The following SIRPB1 variants were observed in gnomAD, a reference collection of about 807,000 sequenced individuals.
SIRPB1 encodes signal regulatory protein beta 1.
In SIRPB1, 28 loss-of-function variants were observed where a neutral mutation model predicts 34.1. The ratio of observed to expected loss-of-function variants is 0.82; its 90% CI spans 0.61 to 1.12. The LOEUF (loss-of-function observed/expected upper bound fraction) is 1.12, where lower values mean the gene tolerates loss of function less well. Ranked by LOEUF, SIRPB1 falls within the 50% of genes most tolerant of loss-of-function variation. SIRPB1 has a pLI of 0.00. For synonymous variants in SIRPB1, 211 were observed against 203.8 expected (o/e 1.04, Z -0.30); for missense variants, 499 against 507.0 (o/e 0.98, Z 0.15).
In SIRPB1 at chr20:1,578,639, A is replaced by T. The variant is rs767051859; in HGVS notation, c.132T>A (p.Val44=). 1.9e-6 allele frequency: 3 copies of T among 1,584,230 alleles called. No homozygotes were observed. Among genetic ancestry groups the T allele is most frequent in the Non-Finnish European group, 2.6e-6 (3 of 1,157,694 alleles). Residue 44 remains valine (V), a synonymous_variant, in exon 2 of 6, where the codon GTT becomes GTA. Coordinates refer to ENST00000381605, the MANE Select transcript of SIRPB1 (RefSeq NM_006065.5). ...QVIQPEKSVS[V]AAGESATLRC... ...GCAGAGTGGCCGACTCTCCAGCTGC[A>T]ACTGATACGGACTTTTCAGGCTGAA...
rs573930072 is a variant in SIRPB1, at chr20:1,598,817, C to G, written c.77-20123G>C. 4.2e-6 allele frequency: 2 copies of G among 478,474 alleles called. 1 individual carries two copies. The highest frequency in any genetic ancestry group is 7.2e-5 in the Admixed American group (2 of 27,892). The allele number at this position is 478,474 out of a possible 1,614,324, so 29.6% of individuals were successfully genotyped here. A position where few individuals can be genotyped will look rare whatever the true frequency, so the allele number is the denominator to read the frequency against. ...CTTGGTCAGGCATCCATCCCCCACACTTACAGTCAGGCCTTCTGCTTCCAG... is the reference window on the plus strand; with the variant it reads ...CTTGGTCAGGCATCCATCCCCCACAGTTACAGTCAGGCCTTCTGCTTCCAG... On this transcript the variant is annotated intron_variant, in intron 1 of 5. Coordinates refer to ENST00000381605, the MANE Select transcript of SIRPB1 (RefSeq NM_006065.5).
intron 4 of SIRPB1, among the ~76,000 whole-genome samples, chr20:1,567,478 T>TC (rs2091156778): frequency 6.6e-6 from 1 of 152,180 alleles, no homozygotes; most frequent in Non-Finnish European, 1.5e-5. Flanking sequence ...CTGACAGCAC[T>TC]CTAGGATGCC....
rs533348633 is a variant in SIRPB1 at position 1,595,535 on chromosome 20, A to G, written c.77-16841T>C. ...TCTTCCATTGTGAAAGAGGAAGTGGACACAGTTGCCACTGCTAGGAAGTTG... is the reference window on the plus strand; with the variant it reads ...TCTTCCATTGTGAAAGAGGAAGTGGGCACAGTTGCCACTGCTAGGAAGTTG... On this transcript the variant is annotated intron_variant, in intron 1 of 5. Coordinates refer to ENST00000381605, the MANE Select transcript of SIRPB1 (RefSeq NM_006065.5). 4.1e-5 allele frequency among the ~76,000 whole-genome samples: 2 copies of G among 48,996 alleles called. 1 individual carries two copies. Among genetic ancestry groups the G allele is most frequent in the South Asian group, 1.4e-3 (2 of 1,414 alleles). 32.1% of individuals were successfully genotyped at this position (48,996 alleles called of 152,430 possible).
intron 2 of SIRPB1, 99 bp downstream of exon 2, chr20:1,578,239 A>C: frequency 7.5e-7 from 1 of 1,325,608 alleles, no homozygotes; most frequent in East Asian, 2.3e-5. Context: ...GTGGCTGCTC[A>C]GCCACCACCA....
At position 1,563,057 on chromosome 20, in the gene SIRPB1, G is replaced by C. The variant is rs1286865997; in HGVS notation, c.*2443C>G. 6.6e-6 allele frequency among the ~76,000 whole-genome samples: 1 copy of C among 152,190 alleles called. No individual in the cohort carries two copies. Among genetic ancestry groups the C allele is most frequent in the Non-Finnish European group, 1.5e-5 (1 of 68,036 alleles). The stretch of plus-strand genomic sequence containing the variant: ...GAGTGGTAATAAAAGGGCTGAAGAT[G>C]TCCCAAAGGTTGAAATGCCAGCAAA... On this transcript the variant is annotated 3_prime_UTR_variant, in exon 6 of 6. Transcript: ENST00000381605.
intron 1 of SIRPB1, among the ~76,000 whole-genome samples, chr20:1,579,272 A>G (rs548689769): frequency 6.7e-6 from 1 of 148,308 alleles, no homozygotes; most frequent in African/African-American, 2.4e-5. Context: ...ATTTCAATGT[A>G]GAGCTTTGGG....
In SIRPB1 at chr20:1,589,477, G is replaced by A. The variant is rs1310312089; in HGVS notation, c.77-10783C>T. 4.1e-5 allele frequency among the ~76,000 whole-genome samples: 2 copies of A among 48,950 alleles called. 1 individual carries two copies. Among genetic ancestry groups the A allele is most frequent in the Non-Finnish European group, 7.9e-5 (2 of 25,430 alleles). The allele number at this position is 48,950 out of a possible 152,430, so 32.1% of individuals were successfully genotyped here. On this transcript the variant is annotated intron_variant, in intron 1 of 5. Coordinates refer to ENST00000381605, the MANE Select transcript of SIRPB1 (RefSeq NM_006065.5). ...GTTCAGATGGGAAATGAGGAGAGAG[G>A]AAGTATATATGCCCTGACCAACAAG...
rs752498686 is a variant in SIRPB1 at position 1,619,892 on chromosome 20, G to A, written c.53C>T (p.Thr18Met). 1.1e-5 allele frequency: 18 copies of A among 1,613,718 alleles called. No homozygotes were observed. The highest frequency in any genetic ancestry group is 2.7e-5 in the African/African-American group (2 of 75,018). Residue 18 changes from threonine (T) to methionine (M), a missense_variant, in exon 1 of 6, where the codon ACG becomes ATG. By Grantham distance (81) the Thr-to-Met change is moderately conservative (BLOSUM62 -1). Coordinates refer to ENST00000381605, the MANE Select transcript of SIRPB1 (RefSeq NM_006065.5). ...PHLPSPFLLM[T>M]LLLGRLTGVA... is the part of the protein sequence containing the mutation. The stretch of plus-strand genomic sequence containing the variant: ...ACCTGTGAGTCTCCCCAGCAGTAGC[G>A]TCATCAGCAGGAAAGGACTAGGAAG...
At chr20:1,566,392 C>A in intron 4 of SIRPB1, 125 bp from the exon 5 acceptor site, 1 of 578,652 alleles carries the variant, frequency 1.7e-6, no homozygotes, top group Admixed American at 3.1e-5. Flanking sequence ...GAACTTGCAT[C>A]CTGCTCTGGC....
chr20:1,567,096 A>AT (rs1156498811), intron 4 of SIRPB1, among the ~76,000 whole-genome samples: 31 of 151,972 alleles, frequency 2.0e-4, no homozygotes, highest in Non-Finnish European at 2.8e-4. Context: ...ATTAAAAAAA[A>AT]TTTTTTTTAA....
At chr20:1,571,205 G>T (rs947033041) in intron 3 of SIRPB1, 68 bp from the exon 4 acceptor site, 13 of 1,472,548 alleles carry the variant, frequency 8.8e-6, no homozygotes, top group Admixed American at 1.9e-5. Flanking sequence ...GCTAAATAAC[G>T]TAGCTCCCAC....
chr20:1,571,187 C>T (rs1225230868), intron 3 of SIRPB1, 50 bp from the exon 4 acceptor site: 1 of 1,546,152 alleles, frequency 6.5e-7, no homozygotes, highest in Admixed American at 1.8e-5. Flanking sequence ...AGACAGATCA[C>T]AGGGAGGGCT....
rs1183592400 is a variant in SIRPB1, at chr20:1,612,640, A to G, written c.76+7229T>C. 5.5e-5 allele frequency among the ~76,000 whole-genome samples: 4 copies of G among 72,818 alleles called. 2 individuals are homozygous for G. Among genetic ancestry groups the G allele is most frequent in the Admixed American group, 2.2e-4 (2 of 8,980 alleles). The allele number at this position is 72,818 out of a possible 152,430, so 47.8% of individuals were successfully genotyped here. ...GCAGAACTGCCAATCCACACTGAAT[A>G]TGTAGCTTCCAGTAGAAATACAACA... On this transcript the variant is annotated intron_variant, in intron 1 of 5. Coordinates refer to ENST00000381605, the MANE Select transcript of SIRPB1 (RefSeq NM_006065.5).
At chr20:1,618,733 G>C (rs1298198714) in intron 1 of SIRPB1, among the ~76,000 whole-genome samples, 1 of 152,214 alleles carries the variant, frequency 6.6e-6, no homozygotes, top group African/African-American at 2.4e-5. Context: ...GAAGGGATCA[G>C]GACAGGTAAC....
chr20:1,568,951 T>C (rs1274501585), intron 4 of SIRPB1, among the ~76,000 whole-genome samples: 1 of 152,042 alleles, frequency 6.6e-6, no homozygotes, highest in Non-Finnish European at 1.5e-5. Flanking sequence ...GCATGACTGA[T>C]GAAAAAGAAA....
intron 1 of SIRPB1, among the ~76,000 whole-genome samples, chr20:1,614,822 G>C (rs2091607093): frequency 6.6e-6 from 1 of 152,082 alleles, no homozygotes; most frequent in African/African-American, 2.4e-5. Flanking sequence ...ATGACTTACT[G>C]ATTTGCTACT....
intron 2 of SIRPB1, 149 bp from the exon 3 acceptor site, chr20:1,572,186 G>A (rs2091252044): frequency 7.5e-7 from 1 of 1,333,364 alleles, no homozygotes; most frequent in Non-Finnish European, 1.0e-6. Context: ...TCATTTTACA[G>A]ATCAGGACAC....
rs979463921 is a variant in SIRPB1 at position 1,561,704 on chromosome 20, A to G, written c.*3796T>C. ...CTTCATCACATCATATTAAAGGTAC[A>G]TATTAGTGACATGATTTATGATTCT... On this transcript the variant is annotated 3_prime_UTR_variant, in exon 6 of 6. Coordinates refer to ENST00000381605, the MANE Select transcript of SIRPB1 (RefSeq NM_006065.5). Among the ~76,000 whole-genome samples, 2 of 152,210 alleles carry G rather than the reference A, an allele frequency of 1.3e-5. No homozygotes were observed. Among genetic ancestry groups the G allele is most frequent in the Non-Finnish European group, 2.9e-5 (2 of 68,040 alleles).
intron 1 of SIRPB1, among the ~76,000 whole-genome samples, chr20:1,616,485 C>T (rs940797648): frequency 2.0e-5 from 3 of 152,186 alleles, no homozygotes; most frequent in Non-Finnish European, 4.4e-5. Context: ...CAAAAAGTGG[C>T]ATTGGGAAAC....
Sources: gnomAD v4.1 joint callset for allele counts (sites outside exome capture counted in the v4.1 genomes callset) on GRCh38, gnomAD v4.1.1 for gene constraint, MANE v1.5 for transcripts, NCBI Gene and HGNC (gene_info 2026-07-23, HGNC 2026-07-21) for gene names.